Variants in YARS1 observed in about 807,000 individuals in gnomAD.
The protein encoded by YARS1 is tyrosyl-tRNA synthetase 1, also known as tyrosine--tRNA ligase, cytoplasmic.
In YARS1, 36 loss-of-function variants were observed where a neutral mutation model predicts 62.2. The ratio of observed to expected loss-of-function variants is 0.58; its 90% confidence interval spans 0.44 to 0.76. The LOEUF (loss-of-function observed/expected upper bound fraction) is 0.76. Ranked by LOEUF, YARS1 falls within the 30% of genes least tolerant of loss-of-function variation. YARS1 has a pLI of 0.00. For missense variants in YARS1, 524 were observed against 639.8 expected (o/e 0.82, Z 1.95); for synonymous variants, 234 against 244.9 (o/e 0.96, Z 0.42).
chr1:32,813,756 T>C (rs1251014854), intron 1 of YARS1, among the ~76,000 whole-genome samples: 2 of 152,238 alleles, frequency 1.3e-5, no homozygotes, highest in Admixed American at 6.5e-5. Context: ...TACATCATAC[T>C]ACTAAATTCC....
chr1:32,777,205 T>G (rs1014188356), intron 12 of YARS1, among the ~76,000 whole-genome samples: 1 of 151,888 alleles, frequency 6.6e-6, no homozygotes, highest in Non-Finnish European at 1.5e-5. Context: ...AATTTTGTAT[T>G]TTTAGTAGAG....
At chr1:32,781,016 T>C (rs1465181786) in intron 10 of YARS1, 32 bp downstream of exon 10, 1 of 1,602,350 alleles carries the variant, frequency 6.2e-7, no homozygotes, top group African/African-American at 1.3e-5. Context: ...GACCCCAATC[T>C]GCCTCTCTGA....
chr1:32,814,114 C>T (rs1034697147), intron 1 of YARS1, among the ~76,000 whole-genome samples: 1 of 152,150 alleles, frequency 6.6e-6, no homozygotes, highest in Non-Finnish European at 1.5e-5. Flanking sequence ...GTTATCAACC[C>T]AATCATTCAA....
intron 5 of YARS1, among the ~76,000 whole-genome samples, chr1:32,795,475 C>A (rs1653552641): frequency 6.6e-6 from 1 of 151,958 alleles, no homozygotes; most frequent in Non-Finnish European, 1.5e-5. Flanking sequence ...ATCTCTAGGG[C>A]AGGGATGGGC....
chr1:32,804,911 A>G (rs1638415511), intron 4 of YARS1, among the ~76,000 whole-genome samples: 1 of 152,068 alleles, frequency 6.6e-6, no homozygotes. Flanking sequence ...TAGCGAGCTG[A>G]GATCACGCCA....
chr1:32,782,473 G>A lies in YARS1; in HGVS notation c.973C>T (p.Arg325Trp), dbSNP rs752992202. 1.4e-5 allele frequency: 23 copies of A among 1,613,896 alleles called. No homozygotes were observed. The highest frequency in any genetic ancestry group is 5.3e-5 in the African/African-American group (4 of 74,852). The change falls in exon 9 of 13, where the codon CGG becomes TGG. Residue 325 changes from arginine (R) to tryptophan (W), a missense_variant. Transcript: ENST00000373477. ...AGGGCAGGGGTATTAAACTTTTCCCGGATTGGATCCAGCAACTTGTTCAGT... is the reference window on the plus strand; with the variant it reads ...AGGGCAGGGGTATTAAACTTTTCCCAGATTGGATCCAGCAACTTGTTCAGT... ...VALNKLLDPI[R>W]EKFNTPALKK...
At position 32,791,268 on chromosome 1, in the gene YARS1, G is replaced by C. The variant is rs1271769040; in HGVS notation, c.592-14C>G. 6.2e-7 allele frequency: 1 copy of C among 1,608,988 alleles called. No individual in the cohort carries two copies. ...TGCAGGGAGGTACTGAGAGATTAGA[G>C]AAACACACAAAAGCCGATATTAGTC... On this transcript the variant is annotated splice_polypyrimidine_tract_variant and intron_variant, in intron 5 of 12. Coordinates refer to ENST00000373477, the MANE Select transcript of YARS1 (RefSeq NM_003680.4).
intron 4 of YARS1, among the ~76,000 whole-genome samples, chr1:32,800,710 T>G (rs1178895968): frequency 6.6e-6 from 1 of 151,866 alleles, no homozygotes; most frequent in African/African-American, 2.4e-5. Context: ...TGTAGCTGGG[T>G]CTACAGGCGC....
In YARS1 at chr1:32,782,457, G is replaced by GTAT. The variant is rs1557447241; in HGVS notation, c.986_988dup (p.Asn329dup). On this transcript the variant is annotated inframe_insertion, in exon 9 of 13. Transcript: ENST00000373477. ...GCTGGCCAGTTTTTTCAGGGCAGGGGTATTAAACTTTTCCCGGATTGGATC... is the reference window on the plus strand; with the variant it reads ...GCTGGCCAGTTTTTTCAGGGCAGGGGTATTATTAAACTTTTCCCGGATTGGATC... 2.5e-6 allele frequency: 4 copies of GTAT among 1,613,970 alleles called. No homozygotes were observed. In the African/African-American group the frequency reaches 5.3e-5, roughly 22 times the overall value.
In YARS1 at chr1:32,810,655, C is replaced by G. The variant is rs1638562844; in HGVS notation, c.316G>C (p.Glu106Gln). Residue 106 changes from glutamate to glutamine, a missense_variant, in exon 3 of 13, where the codon GAG (glutamate) becomes CAG (glutamine). Coordinates refer to ENST00000373477, the MANE Select transcript of YARS1 (RefSeq NM_003680.4). ...TTCTCCAAGGGCACACCAATGCTCT[C>G]CAGCATTGCTTTGATCACATTCTCA... is the stretch of plus-strand genomic sequence containing the variant. ...YYENVIKAML[E>Q]SIGVPLEKLK... 1.9e-6 allele frequency: 3 copies of G among 1,613,988 alleles called. No homozygotes were observed. Among genetic ancestry groups the G allele is most frequent in the Non-Finnish European group, 2.5e-6 (3 of 1,180,032 alleles).
chr1:32,804,192 C>T (rs1487067591), intron 4 of YARS1, among the ~76,000 whole-genome samples: 1 of 152,264 alleles, frequency 6.6e-6, no homozygotes, highest in African/African-American at 2.4e-5. Context: ...CCCACATTTC[C>T]CCCTTTTCTA....
Position 32,781,061 on chromosome 1 carries a change from A to G in YARS1, c.1127T>C (p.Ile376Thr), listed in dbSNP as rs1481199284. 4 of 1,614,180 alleles carry G rather than the reference A, an allele frequency of 2.5e-6. No homozygotes were observed. The East Asian group carries it at 6.7e-5, about 27-fold the overall frequency. Residue 376 changes from isoleucine to threonine, a missense_variant, in exon 10 of 13, where the codon ATC (isoleucine) becomes ACC (threonine). Physicochemically the swap from Ile to Thr is moderately conservative, Grantham distance 89 (BLOSUM62 -1). Coordinates refer to ENST00000373477, the MANE Select transcript of YARS1 (RefSeq NM_003680.4). ...AAAAATGAGTACCTTCTCCACAGTGATGATTTTCCCCACACGGATATCCAG... is the reference window on the plus strand; with the variant it reads ...AAAAATGAGTACCTTCTCCACAGTGGTGATTTTCCCCACACGGATATCCAG... Reference protein sequence around the residue: ...SRLDIRVGKIITVEKHPDADS... With the variant: ...SRLDIRVGKITTVEKHPDADS...
At chr1:32,787,234 A>G (rs1653259508) in intron 6 of YARS1, among the ~76,000 whole-genome samples, 159 bp from the exon 7 acceptor site, 1 of 151,926 alleles carries the variant, frequency 6.6e-6, no homozygotes, top group South Asian at 2.1e-4. Context: ...GGCTCAAGAG[A>G]TTCTCCCATC....
Position 32,775,934 on chromosome 1 carries a change from C to T in YARS1, c.*47G>A, listed in dbSNP as rs765250908. 17 of 1,488,188 alleles carry T rather than the reference C, an allele frequency of 1.1e-5. No homozygotes were observed. The highest frequency in any genetic ancestry group is 1.6e-5 in the Non-Finnish European group (17 of 1,066,334). The allele number at this position is 1,488,188 out of a possible 1,614,324, so 92.2% of individuals were successfully genotyped here. On this transcript the variant is annotated 3_prime_UTR_variant, in exon 13 of 13. Transcript: ENST00000373477. ...TGATGGATGGAGCAGACTGAAGAGA[C>T]AGCAGATGACTCAGTGGTGGAAGAA...
At chr1:32,787,810 G>A (rs562769417) in intron 6 of YARS1, among the ~76,000 whole-genome samples, 7 of 152,252 alleles carry the variant, frequency 4.6e-5, no homozygotes, top group South Asian at 2.1e-4. Flanking sequence ...CACTGCACCC[G>A]GGCAATAAAA....
intron 4 of YARS1, among the ~76,000 whole-genome samples, chr1:32,804,456 G>C (rs531427204): frequency 6.6e-6 from 1 of 151,644 alleles, no homozygotes; most frequent in Non-Finnish European, 1.5e-5. Flanking sequence ...GCCGGGCGGA[G>C]ACGCTCCTCA....
intron 6 of YARS1, among the ~76,000 whole-genome samples, chr1:32,789,408 C>T (rs1338249739): frequency 6.6e-6 from 1 of 152,166 alleles, no homozygotes; most frequent in African/African-American, 2.4e-5. Context: ...TATATATTAT[C>T]TACAGCCATT....
intron 10 of YARS1, 162 bp from the exon 11 acceptor site, chr1:32,780,440 A>G: frequency 1.3e-6 from 1 of 765,240 alleles, no homozygotes; most frequent in Non-Finnish European, 2.2e-6. Context: ...CAGACAGGAG[A>G]ATGGGCTCTG....
At chr1:32,780,587 G>A in intron 10 of YARS1, 1 of 464,278 alleles carries the variant, frequency 2.2e-6, no homozygotes, top group Non-Finnish European at 4.0e-6. Context: ...TGGTGGTTGG[G>A]GTACACAGTG....
Sources: gnomAD v4.1 joint callset for allele counts (sites outside exome capture counted in the v4.1 genomes callset) on GRCh38, gnomAD v4.1.1 for gene constraint, MANE v1.5 for transcripts, NCBI Gene and HGNC (gene_info 2026-07-23, HGNC 2026-07-21) for gene names.